The following MBD5 variants were observed in gnomAD, a reference collection of about 807,000 sequenced individuals.
The protein encoded by MBD5 is methyl-CpG-binding domain protein 5.
Under a neutral mutation model 117.3 loss-of-function variants are expected in MBD5, and 13 were observed. That is an observed-to-expected ratio of 0.11 (90% confidence interval 0.07 to 0.18). The LOEUF is 0.18. Ranked by LOEUF, MBD5 falls within the 10% of genes least tolerant of loss-of-function variation. The pLI, the probability that MBD5 is intolerant of heterozygous loss-of-function variation, is 1.00. For missense variants in MBD5, 1,879 were observed against 2,093.8 expected (o/e 0.90, Z 2.00); for synonymous variants, 727 against 766.4 (o/e 0.95, Z 0.85).
At chr2:148,284,454 A>G (rs1464770925) in intron 3 of MBD5, among the ~76,000 whole-genome samples, 1 of 152,174 alleles carries the variant, frequency 6.6e-6, no homozygotes, top group Non-Finnish European at 1.5e-5. Flanking sequence ...CAGGGAAGAA[A>G]CCTGGTGGCC....
intron 4 of MBD5, among the ~76,000 whole-genome samples, chr2:148,434,735 T>C (rs1269542173): frequency 6.6e-6 from 1 of 152,144 alleles, no homozygotes; most frequent in African/African-American, 2.4e-5. Flanking sequence ...ATTCGGTGTT[T>C]TGGGGTAGAG....
chr2:148,026,971 A>G (rs1248347622), intron 1 of MBD5: 2 of 152,140 alleles, frequency 1.3e-5, no homozygotes, highest in Non-Finnish European at 2.9e-5. Flanking sequence ...TTCAATCCTT[A>G]TCTGTATTAA....
chr2:148,022,807 T>C (rs982852605), intron 1 of MBD5, among the ~76,000 whole-genome samples: 19 of 152,182 alleles, frequency 1.2e-4, no homozygotes, highest in Non-Finnish European at 2.2e-4. Flanking sequence ...TAGCTATAAA[T>C]TGAAAGGTAA....
At chr2:148,114,210 C>T (rs1453902905) in intron 1 of MBD5, among the ~76,000 whole-genome samples, 4 of 152,190 alleles carry the variant, frequency 2.6e-5, no homozygotes, top group Non-Finnish European at 5.9e-5. Context: ...TGGCTCACAC[C>T]TGTAATCCCA....
At chr2:148,477,601 A>G (rs1681011530) in intron 8 of MBD5, among the ~76,000 whole-genome samples, 1 of 152,180 alleles carries the variant, frequency 6.6e-6, no homozygotes, top group African/African-American at 2.4e-5. Flanking sequence ...TATTATTGTT[A>G]TCATTAAAAA....
At chr2:148,361,952 G>A (rs112146924) in intron 4 of MBD5, among the ~76,000 whole-genome samples, 18,914 of 152,250 alleles carry the variant, frequency 0.12, 1,561 homozygotes, top group Non-Finnish European at 0.19. Flanking sequence ...CAGTGCACTC[G>A]GGCCCAGATA....
intron 2 of MBD5, among the ~76,000 whole-genome samples, chr2:148,208,029 C>T (rs2105992851): frequency 6.6e-6 from 1 of 152,094 alleles, no homozygotes; most frequent in East Asian, 1.9e-4. Context: ...GACCCAAATC[C>T]AGTGGGTCCA....
intron 1 of MBD5, among the ~76,000 whole-genome samples, chr2:148,137,983 G>A (rs2105512262): frequency 6.6e-6 from 1 of 152,268 alleles, no homozygotes; most frequent in East Asian, 1.9e-4. Flanking sequence ...GCCTAACAAT[G>A]CATTTCTCAT....
chr2:148,290,209 C>A (rs528792304), intron 3 of MBD5, among the ~76,000 whole-genome samples: 2 of 149,872 alleles, frequency 1.3e-5, no homozygotes, highest in South Asian at 4.3e-4. Flanking sequence ...CTACCTGCCT[C>A]AGCCTCCCAA....
At chr2:148,257,525 A>G (rs1341415274) in intron 3 of MBD5, among the ~76,000 whole-genome samples, 2 of 152,210 alleles carry the variant, frequency 1.3e-5, no homozygotes, top group Non-Finnish European at 2.9e-5. Flanking sequence ...AATTTGACAA[A>G]TGAAGCAGGC....
chr2:148,083,701 C>A (rs908854145), intron 1 of MBD5, among the ~76,000 whole-genome samples: 2 of 152,060 alleles, frequency 1.3e-5, no homozygotes, highest in Non-Finnish European at 2.9e-5. Context: ...GATCTTGGCT[C>A]ACTGCAACCT....
At chr2:148,420,692 A>G (rs72620203) in intron 4 of MBD5, among the ~76,000 whole-genome samples, 7,294 of 147,558 alleles carry the variant, frequency 0.049, 313 homozygotes, top group Admixed American at 0.1. Flanking sequence ...CTTGTCTGAT[A>G]AGTCATGTTT....
chr2:148,324,817 AC>A (rs1702397060), intron 3 of MBD5, among the ~76,000 whole-genome samples: 1 of 152,020 alleles, frequency 6.6e-6, no homozygotes. Flanking sequence ...CTAATTGAAT[AC>A]CCTTTATTTC....
At chr2:148,222,630 G>A (rs1002337717) in intron 2 of MBD5, among the ~76,000 whole-genome samples, 1 of 151,778 alleles carries the variant, frequency 6.6e-6, no homozygotes, top group Non-Finnish European at 1.5e-5. Flanking sequence ...TACTAAATTT[G>A]TTTATCAGTT....
chr2:148,433,910 G>GTTGT (rs1194725277), intron 4 of MBD5, among the ~76,000 whole-genome samples: 1 of 149,350 alleles, frequency 6.7e-6, no homozygotes, highest in African/African-American at 2.5e-5. Flanking sequence ...TGTTGTTGTT[G>GTTGT]TTGTTTGTTT....
intron 4 of MBD5, among the ~76,000 whole-genome samples, chr2:148,457,498 T>A (rs995882092): frequency 3.3e-5 from 5 of 152,138 alleles, no homozygotes; most frequent in African/African-American, 1.2e-4. Flanking sequence ...TCAAGATAAC[T>A]TTTATAAGCA....
intron 5 of MBD5, 110 bp from the exon 6 acceptor site, chr2:148,462,472 T>G: frequency 1.4e-6 from 1 of 735,084 alleles, no homozygotes; most frequent in Non-Finnish European, 2.4e-6. Context: ...TGCTTTTCCC[T>G]AGTGGGAAAA....
chr2:148,468,174 T>C (rs962379078), intron 7 of MBD5, among the ~76,000 whole-genome samples, 167 bp from the exon 8 acceptor site: 3 of 152,124 alleles, frequency 2.0e-5, no homozygotes, highest in Non-Finnish European at 2.9e-5. Flanking sequence ...AGTATTAATA[T>C]ATAGAACTAT....
chr2:148,025,881 A>G (rs1316371770), intron 1 of MBD5: 1 of 152,174 alleles, frequency 6.6e-6, no homozygotes, highest in Non-Finnish European at 1.5e-5. Flanking sequence ...TATAATCTCT[A>G]TAGCTTTAGT....
Sources: allele counts gnomAD v4.1 joint callset (sites outside exome capture counted in the v4.1 genomes callset), GRCh38; gene constraint gnomAD v4.1.1; transcripts MANE v1.5; gene names NCBI Gene and HGNC (gene_info 2026-07-23, HGNC 2026-07-21).